Variants in ZNF385D observed in about 807,000 individuals in gnomAD.
ZNF385D encodes the protein zinc finger protein 385D.
A neutral mutation model predicts 35.8 loss-of-function variants in ZNF385D; 15 were observed. The ratio of observed to expected loss-of-function variants is 0.42; its 90% confidence interval spans 0.28 to 0.64. ZNF385D has a LOEUF of 0.64. Among genes scored for constraint, ZNF385D ranks in the 30% least tolerant of loss-of-function variants. The probability of loss-of-function intolerance (pLI) is 0.23; values close to 1 mark genes in which losing one functional copy is unlikely to be tolerated. For synonymous variants in ZNF385D, 212 were observed against 186.8 expected, an observed-to-expected ratio of 1.13 and a Z score of -1.10; for missense variants, 474 against 494.6, an observed-to-expected ratio of 0.96 and a Z score of 0.39.
chr3:21,602,219 T>C (rs1479215503), intron 2 of ZNF385D, among the ~76,000 whole-genome samples: 2 of 151,990 alleles, frequency 1.3e-5, no homozygotes, highest in Non-Finnish European at 2.9e-5. Context: ...GATTCAATTA[T>C]CTCCATGTGG....
At chr3:22,279,226 T>C (rs1701591934) in intron 2 of ZNF385D, among the ~76,000 whole-genome samples, 1 of 151,938 alleles carries the variant, frequency 6.6e-6, no homozygotes, top group Non-Finnish European at 1.5e-5. Flanking sequence ...ATGTGCACTA[T>C]ACCCAATGTG....
At chr3:21,685,382 G>A (rs1374139866) in intron 1 of ZNF385D, among the ~76,000 whole-genome samples, 3 of 152,120 alleles carry the variant, frequency 2.0e-5, no homozygotes, top group African/African-American at 7.2e-5. Flanking sequence ...GAAACAAACA[G>A]AATATGGTAC....
At chr3:22,321,684 G>A (rs1228387791) in intron 2 of ZNF385D, among the ~76,000 whole-genome samples, 1 of 152,038 alleles carries the variant, frequency 6.6e-6, no homozygotes, top group Non-Finnish European at 1.5e-5. Context: ...TGTATTTAAT[G>A]TAATGACTGA....
chr3:22,235,335 C>T (rs1028694878), intron 2 of ZNF385D, among the ~76,000 whole-genome samples: 2 of 151,974 alleles, frequency 1.3e-5, no homozygotes, highest in Admixed American at 1.3e-4. Context: ...AAGAAAGTAC[C>T]TGTGCATGTG....
intron 3 of ZNF385D, among the ~76,000 whole-genome samples, chr3:21,524,365 C>A (rs779870259): frequency 6.6e-6 from 1 of 152,176 alleles, no homozygotes; most frequent in Non-Finnish European, 1.5e-5. Context: ...CCTTCATCAG[C>A]TGCAACATTT....
upstream of ZNF385D, chr3:21,751,236 A>ACGG: frequency 1.5e-5 from 17 of 1,106,586 alleles, no homozygotes; most frequent in South Asian, 2.7e-5. Flanking sequence ...AGACCCCTCC[A>ACGG]CCCCACCCCA....
At chr3:21,910,864 T>G (rs1238480581) in intron 3 of ZNF385D, among the ~76,000 whole-genome samples, 1 of 151,900 alleles carries the variant, frequency 6.6e-6, no homozygotes, top group African/African-American at 2.4e-5. Flanking sequence ...TACTAAGCTT[T>G]AAGATTAAAT....
At chr3:22,123,588 G>A (rs893189211) in intron 3 of ZNF385D, among the ~76,000 whole-genome samples, 15 of 152,218 alleles carry the variant, frequency 9.9e-5, no homozygotes, top group South Asian at 2.1e-4. Flanking sequence ...GGCCGGGCGC[G>A]GTGGCTGACG....
intron 3 of ZNF385D, among the ~76,000 whole-genome samples, chr3:21,794,996 C>T (rs1197917300): frequency 6.6e-6 from 1 of 152,136 alleles, no homozygotes; most frequent in East Asian, 1.9e-4. Context: ...AATATTTTTA[C>T]TAATACTCTC....
chr3:21,858,391 T>C (rs1006324725), intron 3 of ZNF385D, among the ~76,000 whole-genome samples: 1 of 151,876 alleles, frequency 6.6e-6, no homozygotes, highest in Non-Finnish European at 1.5e-5. Context: ...AATGTTTATG[T>C]CCCCCCTACC....
At chr3:21,791,808 C>G (rs748218263) in intron 3 of ZNF385D, among the ~76,000 whole-genome samples, 8 of 152,150 alleles carry the variant, frequency 5.3e-5, no homozygotes, top group Non-Finnish European at 8.8e-5. Context: ...GATCTCGGCT[C>G]ACTGCAACCT....
chr3:21,485,180 C>G (rs1704939421), intron 4 of ZNF385D, among the ~76,000 whole-genome samples: 1 of 152,132 alleles, frequency 6.6e-6, no homozygotes, highest in African/African-American at 2.4e-5. Flanking sequence ...TTGCTAGAAA[C>G]ACGTCAAGGT....
At chr3:21,578,790 T>C (rs542000683) in intron 2 of ZNF385D, among the ~76,000 whole-genome samples, 1 of 152,310 alleles carries the variant, frequency 6.6e-6, no homozygotes, top group African/African-American at 2.4e-5. Flanking sequence ...TTGTTCTTTT[T>C]GTTCTGCATT....
At chr3:21,720,761 A>G (rs151037625) in intron 1 of ZNF385D, among the ~76,000 whole-genome samples, 1 of 152,292 alleles carries the variant, frequency 6.6e-6, no homozygotes, top group African/African-American at 2.4e-5. Flanking sequence ...CTGATTGGCT[A>G]TGTTAACAAT....
intron 3 of ZNF385D, among the ~76,000 whole-genome samples, chr3:22,127,756 C>G (rs1039333078): frequency 2.6e-5 from 4 of 152,060 alleles, no homozygotes; most frequent in Admixed American, 1.3e-4. Flanking sequence ...AGAAACTAAA[C>G]AAGCAAAGGA....
At chr3:21,895,751 C>T (rs9836616) in intron 3 of ZNF385D, among the ~76,000 whole-genome samples, 2,602 of 151,802 alleles carry the variant, frequency 0.017, 78 homozygotes, top group African/African-American at 0.058. Flanking sequence ...GGGGATTCAA[C>T]TAGGTAATAT....
At chr3:21,992,409 C>T (rs143966307) in intron 3 of ZNF385D, among the ~76,000 whole-genome samples, 2 of 152,070 alleles carry the variant, frequency 1.3e-5, no homozygotes, top group African/African-American at 2.4e-5. Context: ...GTAGAATAAC[C>T]GTTTCTGTGA....
intron 3 of ZNF385D, chr3:21,511,897 C>A: frequency 2.4e-6 from 1 of 423,380 alleles, no homozygotes. Flanking sequence ...GACTGTAATC[C>A]AAGCACTTTG....
At chr3:21,848,684 G>A (rs1430494203) in intron 3 of ZNF385D, among the ~76,000 whole-genome samples, 41 of 151,818 alleles carry the variant, frequency 2.7e-4, no homozygotes, top group Non-Finnish European at 1.9e-4. Context: ...AGACAGAATC[G>A]TAAAGAAATA....
Sources: gnomAD v4.1 joint callset for allele counts (sites outside exome capture counted in the v4.1 genomes callset) on GRCh38, gnomAD v4.1.1 for gene constraint, MANE v1.5 for transcripts, NCBI Gene and HGNC (gene_info 2026-07-23, HGNC 2026-07-21) for gene names.